Variants in MARK1 observed in about 807,000 individuals in gnomAD.
The protein encoded by MARK1 is microtubule affinity regulating kinase 1.
MARK1 carries 40 observed loss-of-function variants against 96.3 expected under a neutral mutation model. That is an observed-to-expected ratio of 0.42 (90% confidence interval 0.32 to 0.54). The LOEUF (loss-of-function observed/expected upper bound fraction) is 0.54. Among genes scored for constraint, MARK1 ranks in the 20% least tolerant of loss-of-function variants. MARK1 has a pLI of 0.16. For missense variants in MARK1, 719 were observed against 984.6 expected (o/e 0.73, Z 3.61); for synonymous variants, 317 against 341.2 (o/e 0.93, Z 0.78).
chr1:220,631,181 A>T (rs1558310703), intron 10 of MARK1, 47 bp downstream of exon 10: 1 of 1,353,804 alleles, frequency 7.4e-7, no homozygotes, highest in South Asian at 1.2e-5. Flanking sequence ...GGCAACAAGT[A>T]AGAGTCCTTT....
At chr1:220,626,251 A>G (rs1667323348) in intron 9 of MARK1, 2 of 530,376 alleles carry the variant, frequency 3.8e-6, no homozygotes, top group Admixed American at 2.0e-5. Flanking sequence ...GGTGCTGTAT[A>G]TTGACATTGA....
intron 9 of MARK1, among the ~76,000 whole-genome samples, chr1:220,624,936 A>C (rs1040398498): frequency 6.6e-6 from 1 of 152,198 alleles, no homozygotes; most frequent in African/African-American, 2.4e-5. Flanking sequence ...TCTTGTCATC[A>C]AGTGCAATAG....
At chr1:220,581,947 G>T (rs966925902) in intron 3 of MARK1, among the ~76,000 whole-genome samples, 2 of 152,166 alleles carry the variant, frequency 1.3e-5, no homozygotes, top group African/African-American at 4.8e-5. Context: ...AATATACATT[G>T]TGACTTTTAT....
intron 1 of MARK1, among the ~76,000 whole-genome samples, chr1:220,540,418 T>C (rs111716275): frequency 3.9e-5 from 6 of 152,320 alleles, no homozygotes; most frequent in African/African-American, 1.2e-4. Flanking sequence ...CTTGCCCACA[T>C]TGATGAAGGT....
intron 3 of MARK1, among the ~76,000 whole-genome samples, chr1:220,592,366 G>C (rs1292796731): frequency 6.6e-6 from 1 of 151,898 alleles, no homozygotes; most frequent in Non-Finnish European, 1.5e-5. Context: ...AAGGACCTAT[G>C]TACAGTCTCT....
At chr1:220,531,510 G>A (rs1013543748) in intron 1 of MARK1, among the ~76,000 whole-genome samples, 20 of 152,042 alleles carry the variant, frequency 1.3e-4, no homozygotes, top group Admixed American at 1.2e-3. Flanking sequence ...TCCATATAAC[G>A]TATTTGGATT....
intron 9 of MARK1, among the ~76,000 whole-genome samples, chr1:220,624,166 C>T (rs576176669): frequency 3.3e-5 from 5 of 151,740 alleles, no homozygotes; most frequent in East Asian, 1.9e-4. Context: ...GGCATGGTGG[C>T]GAGCGCCTGT....
At chr1:220,576,137 A>G (rs2102826032) in intron 1 of MARK1, among the ~76,000 whole-genome samples, 1 of 148,106 alleles carries the variant, frequency 6.8e-6, no homozygotes, top group East Asian at 2.0e-4. Flanking sequence ...TAACGATAGC[A>G]TTGTGTATCT....
chr1:220,612,223 TACTGGGTACTATATG>T, intron 6 of MARK1, among the ~76,000 whole-genome samples: 1 of 152,346 alleles, frequency 6.6e-6, no homozygotes, highest in Non-Finnish European at 1.5e-5. Flanking sequence ...TAGAAAATTG[TACTGGGTACTATATG>T]GAATTAGAGA....
intron 1 of MARK1, among the ~76,000 whole-genome samples, chr1:220,533,537 A>G (rs1255217370): frequency 3.3e-5 from 5 of 152,050 alleles, no homozygotes; most frequent in Non-Finnish European, 7.4e-5. Context: ...ATTGTTAGTG[A>G]TGAACTTTTT....
At chr1:220,633,827 G>A (rs2103011394) in intron 11 of MARK1, among the ~76,000 whole-genome samples, 1 of 152,328 alleles carries the variant, frequency 6.6e-6, no homozygotes, top group East Asian at 1.9e-4. Context: ...GGGAAGAGGG[G>A]AAGTTCAATT....
chr1:220,529,825 T>C (rs911280204), intron 1 of MARK1, among the ~76,000 whole-genome samples: 1 of 152,240 alleles, frequency 6.6e-6, no homozygotes, highest in Admixed American at 6.5e-5. Flanking sequence ...TTCTTGTTTT[T>C]GTTTTTGTTT....
intron 6 of MARK1, among the ~76,000 whole-genome samples, chr1:220,606,942 A>G (rs755422024): frequency 6.6e-6 from 1 of 152,192 alleles, no homozygotes; most frequent in Non-Finnish European, 1.5e-5. Context: ...GTATAGTCTG[A>G]AATCAGGTAG....
intron 9 of MARK1, chr1:220,627,034 C>T: frequency 1.8e-6 from 1 of 541,840 alleles, no homozygotes; most frequent in Admixed American, 2.0e-5. Context: ...ATTTCAGGCT[C>T]CACATCAGTC....
intron 3 of MARK1, among the ~76,000 whole-genome samples, chr1:220,591,341 C>G (rs892700282): frequency 1.3e-5 from 2 of 152,088 alleles, no homozygotes; most frequent in African/African-American, 4.8e-5. Context: ...GAGATATGTC[C>G]CAGCCGATTC....
At chr1:220,537,914 G>A (rs1408191520) in intron 1 of MARK1, among the ~76,000 whole-genome samples, 2 of 151,704 alleles carry the variant, frequency 1.3e-5, no homozygotes, top group African/African-American at 2.4e-5. Flanking sequence ...CATGTCCTTT[G>A]CCCACTTTTT....
Position 220,565,176 on chromosome 1 carries a change from A to G in MARK1, c.52-14178A>G, listed in dbSNP as rs80271575. Among the ~76,000 whole-genome samples the G allele has an allele frequency of 6.0e-4, 92 of 152,332 alleles. 2 individuals are homozygous for G. The East Asian group carries it at 0.014, about 24-fold the overall frequency. On this transcript the variant is annotated intron_variant, in intron 1 of 17. Transcript: ENST00000366917. Reference sequence around the variant, plus strand: ...AATGAGCAGAGCTTTAGGGGAAAATAAGTATATTTTAATTATATCCATCAA... The same window carrying G: ...AATGAGCAGAGCTTTAGGGGAAAATGAGTATATTTTAATTATATCCATCAA...
At chr1:220,620,748 T>C (rs1367778521) in intron 9 of MARK1, among the ~76,000 whole-genome samples, 2 of 152,138 alleles carry the variant, frequency 1.3e-5, no homozygotes, top group Non-Finnish European at 2.9e-5. Context: ...CAGTATAGTC[T>C]GCAACTTTCT....
chr1:220,621,832 A>G (rs946680491), intron 9 of MARK1, among the ~76,000 whole-genome samples: 2 of 152,140 alleles, frequency 1.3e-5, no homozygotes, highest in Admixed American at 1.3e-4. Flanking sequence ...TATTGTTTCA[A>G]ACTTATTTAA....
Sources: gnomAD v4.1 joint callset for allele counts (sites outside exome capture counted in the v4.1 genomes callset) on GRCh38, gnomAD v4.1.1 for gene constraint, MANE v1.5 for transcripts, NCBI Gene and HGNC (gene_info 2026-07-23, HGNC 2026-07-21) for gene names.